The following CENPI variants were observed in gnomAD, a reference collection of about 807,000 sequenced individuals.
The protein encoded by CENPI is FSH primary response 1.
Under a neutral mutation model 60.4 loss-of-function variants are expected in CENPI, and 4 were observed. That is an observed-to-expected ratio of 0.07 (90% CI 0.03 to 0.15). CENPI has a LOEUF of 0.15. Ranked by LOEUF, CENPI falls within the 10% of genes least tolerant of loss-of-function variation. CENPI has a pLI of 1.00. For synonymous variants in CENPI, 157 were observed against 189.4 expected, an observed-to-expected ratio of 0.83 and a Z score of 1.40; for missense variants, 444 against 534.5, an observed-to-expected ratio of 0.83 and a Z score of 1.67.
chrX:101,145,285 A>G lies in CENPI; in HGVS notation c.1701+86A>G, dbSNP rs781148790. The G allele has an allele frequency of 8.0e-6, 6 of 747,686 alleles. No homozygotes were observed. The East Asian group carries it at 1.6e-4, about 20-fold the overall frequency. 61.6% of individuals were successfully genotyped at this position (747,686 alleles called of 1,213,427 possible). On this transcript the variant is annotated intron_variant, in intron 17 of 21. Transcript: ENST00000682095. ...TATTATTTAAATTTCATGCACAACC[A>G]TTAAGGTGGGCTATGATCTTATTAG...
intron 6 of CENPI, among the ~76,000 whole-genome samples, chrX:101,118,905 G>T (rs1040833690): frequency 2.7e-5 from 3 of 111,934 alleles, no homozygotes; most frequent in Admixed American, 9.5e-5. Flanking sequence ...TTCCGGCCAG[G>T]TGTGGTGGCG....
chrX:101,157,901 C>T (rs1453482498), intron 20 of CENPI, among the ~76,000 whole-genome samples: 1 of 110,706 alleles, frequency 9.0e-6, no homozygotes, highest in Non-Finnish European at 1.9e-5. Context: ...GAACTTATTC[C>T]GTCTATCTGA....
At chrX:101,179,683 A>G in the CENPI span, among the ~76,000 whole-genome samples, 1 of 111,279 alleles carries the variant, frequency 9.0e-6, no homozygotes, top group Non-Finnish European at 1.9e-5. Flanking sequence ...ACATGCCCAG[A>G]TAATTTTTTG....
intron 16 of CENPI, among the ~76,000 whole-genome samples, chrX:101,143,027 G>A (rs1182634350): frequency 6.1e-5 from 6 of 97,834 alleles, no homozygotes; most frequent in African/African-American, 2.4e-4. Flanking sequence ...CTGAGATTGC[G>A]CCACTGTACT....
At position 101,163,086 on chromosome X, in the gene CENPI, A is replaced by G; in HGVS notation, c.*119A>G. On this transcript the variant is annotated 3_prime_UTR_variant, in exon 22 of 22. Coordinates refer to ENST00000682095, the MANE Select transcript of CENPI (RefSeq NM_001386188.2). ...TGACAGACTGCCATCCTCAAGGAGT[A>G]CTCAGACTGGCCTTCTGTTCATGGC... 1 of 747,808 alleles carries G rather than the reference A, an allele frequency of 1.3e-6. No individual in the cohort carries two copies. The highest frequency in any genetic ancestry group is 2.5e-5 in the South Asian group (1 of 39,744). The allele number at this position is 747,808 out of a possible 1,213,427, so 61.6% of individuals were successfully genotyped here. A position where few individuals can be genotyped will look rare whatever the true frequency, so the allele number is the denominator to read the frequency against.
In CENPI at chrX:101,132,170, A is replaced by C. The variant is rs2089801190; in HGVS notation, c.1288-20A>C. Reference sequence around the variant, plus strand: ...ACTGAAGAGTTCCATATAAGGATTTACTATTCACTTGTGTTACAGGAGGGG... The same window carrying C: ...ACTGAAGAGTTCCATATAAGGATTTCCTATTCACTTGTGTTACAGGAGGGG... On this transcript the variant is annotated intron_variant, in intron 13 of 21. Transcript: ENST00000682095. The C allele has an allele frequency of 2.8e-6, 3 of 1,055,006 alleles. No individual in the cohort carries two copies. In the African/African-American group the frequency reaches 5.5e-5, roughly 19 times the overall value. The allele number at this position is 1,055,006 out of a possible 1,213,427, so 86.9% of individuals were successfully genotyped here. A position where few individuals can be genotyped will look rare whatever the true frequency, so the allele number is the denominator to read the frequency against.
chrX:101,167,992 C>CT (rs1200432539), downstream of CENPI, among the ~76,000 whole-genome samples: 6 of 111,728 alleles, frequency 5.4e-5, no homozygotes, highest in Non-Finnish European at 1.1e-4. Flanking sequence ...AGAGGCCTGA[C>CT]TTTATGTGGA....
At chrX:101,150,520 G>T (rs1366134426) in intron 20 of CENPI, among the ~76,000 whole-genome samples, 1 of 109,866 alleles carries the variant, frequency 9.1e-6, no homozygotes. Context: ...ACAGGCGTGC[G>T]CCAACGCTCC....
chrX:101,136,969 G>A (rs2089854615), intron 15 of CENPI, among the ~76,000 whole-genome samples: 1 of 110,887 alleles, frequency 9.0e-6, no homozygotes, highest in Non-Finnish European at 1.9e-5. Context: ...CTGGAGCGCA[G>A]TGGCATGGTC....
intron 20 of CENPI, among the ~76,000 whole-genome samples, chrX:101,157,116 A>G (rs1263363991): frequency 8.9e-6 from 1 of 111,812 alleles, no homozygotes; most frequent in Non-Finnish European, 1.9e-5. Context: ...TTACATTCCC[A>G]TCAGCAGTGT....
At chrX:101,129,760 C>T (rs1228277725) in intron 12 of CENPI, among the ~76,000 whole-genome samples, 1 of 111,343 alleles carries the variant, frequency 9.0e-6, no homozygotes, top group African/African-American at 3.3e-5. Flanking sequence ...TAAGCTTTTC[C>T]CTATATTTAC....
At chrX:101,128,239 A>G (rs1184914039) in intron 11 of CENPI, among the ~76,000 whole-genome samples, 1 of 111,812 alleles carries the variant, frequency 8.9e-6, no homozygotes, top group East Asian at 2.8e-4. Context: ...GAGGCTAAGC[A>G]GGAGAATTGC....
intron 4 of CENPI, among the ~76,000 whole-genome samples, chrX:101,104,056 C>T (rs1035018902): frequency 1.5e-4 from 17 of 111,024 alleles, no homozygotes; most frequent in African/African-American, 5.6e-4. Context: ...TCACTGCAAC[C>T]TCTGCCTCCT....
At chrX:101,113,496 T>G (rs2089581705) in intron 6 of CENPI, among the ~76,000 whole-genome samples, 1 of 111,093 alleles carries the variant, frequency 9.0e-6, no homozygotes, top group Admixed American at 9.7e-5. Flanking sequence ...TTTTGTATTT[T>G]TAGTAGAGAC....
chrX:101,101,885 T>A (rs1271618219), intron 3 of CENPI, among the ~76,000 whole-genome samples: 2 of 112,818 alleles, frequency 1.8e-5, no homozygotes, highest in East Asian at 5.5e-4. Context: ...CATAAACTCC[T>A]TTATTTATTT....
chrX:101,106,758 A>G (rs185294109), intron 4 of CENPI, among the ~76,000 whole-genome samples: 48 of 111,206 alleles, frequency 4.3e-4, no homozygotes, highest in African/African-American at 1.5e-3. Context: ...CTGCCAGCCA[A>G]TTCCAAGAAT....
downstream of CENPI, among the ~76,000 whole-genome samples, chrX:101,169,029 CTA>C (rs1043897023): frequency 8.9e-6 from 1 of 111,743 alleles, no homozygotes; most frequent in African/African-American, 3.3e-5. Context: ...ATTAAAGCAA[CTA>C]TGTTTAATTA....
intron 20 of CENPI, among the ~76,000 whole-genome samples, chrX:101,159,101 A>T (rs5967258): frequency 4.0e-4 from 44 of 110,164 alleles, no homozygotes; most frequent in African/African-American, 1.4e-3. Flanking sequence ...CTGCTTTGAG[A>T]TATATTGCAG....
rs1338653532 is a variant in CENPI, at chrX:101,139,251, C to T, written c.1471-1415C>T. Among the ~76,000 whole-genome samples, 7 of 104,026 alleles carry T rather than the reference C, an allele frequency of 6.7e-5. No homozygotes were observed. In the East Asian group the frequency reaches 9.3e-4, roughly 14 times the overall value. 90.3% of individuals were successfully genotyped at this position (104,026 alleles called of 115,157 possible). A position where few individuals can be genotyped will look rare whatever the true frequency, so the allele number is the denominator to read the frequency against. ...CTGGGATTACAGGCACGTGCCACCA[C>T]GCCTGGCTAATTTTTGTATTTTTAG... is the stretch of plus-strand genomic sequence containing the variant. On this transcript the variant is annotated intron_variant, in intron 15 of 21. Transcript: ENST00000682095.
Sources: allele counts gnomAD v4.1 joint callset (sites outside exome capture counted in the v4.1 genomes callset), GRCh38; gene constraint gnomAD v4.1.1; transcripts MANE v1.5; gene names NCBI Gene and HGNC (gene_info 2026-07-23, HGNC 2026-07-21).